The following TAFA1 variants were observed in gnomAD, a reference collection of about 807,000 sequenced individuals.
TAFA1 encodes TAFA chemokine like family member 1, also known as chemokine-like protein TAFA-1.
Under a neutral mutation model 18.5 loss-of-function variants are expected in TAFA1, and 4 were observed. That is an observed-to-expected ratio of 0.22 (90% confidence interval 0.11 to 0.49). The LOEUF is 0.49. TAFA1 is among the 20% of genes least tolerant of loss of function. TAFA1 has a pLI of 0.98. For synonymous variants in TAFA1, 56 were observed against 55.2 expected (o/e 1.01, Z -0.06); for missense variants, 147 against 169.0 (o/e 0.87, Z 0.72).
At chr3:68,113,987 C>G (rs2065296536) in intron 2 of TAFA1, among the ~76,000 whole-genome samples, 1 of 150,638 alleles carries the variant, frequency 6.6e-6, no homozygotes, top group Non-Finnish European at 1.5e-5. Flanking sequence ...TCACTGCAAC[C>G]TCCGCCTCCT....
chr3:68,382,577 T>C (rs549130471), intron 2 of TAFA1, among the ~76,000 whole-genome samples: 16 of 152,278 alleles, frequency 1.1e-4, no homozygotes, highest in African/African-American at 3.8e-4. Context: ...CATTTGTCTA[T>C]GTCTCTGTTT....
At chr3:68,235,822 C>T (rs889562476) in intron 2 of TAFA1, among the ~76,000 whole-genome samples, 6 of 152,204 alleles carry the variant, frequency 3.9e-5, no homozygotes, top group South Asian at 2.1e-4. Flanking sequence ...CCACTTCACA[C>T]ATGAAAATTT....
chr3:68,085,571 G>A (rs1446767048), intron 2 of TAFA1, among the ~76,000 whole-genome samples: 3 of 152,132 alleles, frequency 2.0e-5, no homozygotes, highest in African/African-American at 7.2e-5. Context: ...GCTCTTGATG[G>A]TTATCATCAC....
chr3:68,428,515 G>T (rs1338472245), intron 3 of TAFA1, among the ~76,000 whole-genome samples: 1 of 151,800 alleles, frequency 6.6e-6, no homozygotes, highest in Non-Finnish European at 1.5e-5. Flanking sequence ...TTCCTAGATG[G>T]GTGGAGTAGT....
chr3:68,180,658 A>G (rs1451908109), intron 2 of TAFA1, among the ~76,000 whole-genome samples: 1 of 151,978 alleles, frequency 6.6e-6, no homozygotes, highest in African/African-American at 2.4e-5. Flanking sequence ...ACAACCCCTT[A>G]TTTTTCTTGG....
intron 2 of TAFA1, among the ~76,000 whole-genome samples, chr3:68,117,077 G>A (rs1021745342): frequency 6.6e-6 from 1 of 152,144 alleles, no homozygotes; most frequent in Admixed American, 6.6e-5. Context: ...ATTTATTAGT[G>A]CCTCTCAGCA....
chr3:68,343,047 G>A (rs898933446), intron 2 of TAFA1, among the ~76,000 whole-genome samples: 4 of 152,090 alleles, frequency 2.6e-5, no homozygotes, highest in Non-Finnish European at 4.4e-5. Context: ...GGTGGGTGAG[G>A]ATCTATAGAT....
chr3:68,249,975 G>A (rs181503704), intron 2 of TAFA1, among the ~76,000 whole-genome samples: 1 of 152,238 alleles, frequency 6.6e-6, no homozygotes, highest in Admixed American at 6.5e-5. Flanking sequence ...AATGAAAAAT[G>A]GCTCTAGAAA....
intron 2 of TAFA1, among the ~76,000 whole-genome samples, chr3:68,088,407 A>G (rs1436848056): frequency 1.3e-5 from 2 of 152,174 alleles, no homozygotes; most frequent in Non-Finnish European, 2.9e-5. Context: ...GACATCACGT[A>G]TAAAGCACTG....
intron 2 of TAFA1, among the ~76,000 whole-genome samples, chr3:68,174,482 C>T (rs548406175): frequency 1.5e-4 from 23 of 152,116 alleles, no homozygotes; most frequent in South Asian, 6.3e-4. Flanking sequence ...AGGTGGTCTC[C>T]GGTGGAGATG....
chr3:68,261,746 T>C (rs2067426982), intron 2 of TAFA1, among the ~76,000 whole-genome samples: 3 of 151,928 alleles, frequency 2.0e-5, no homozygotes, highest in African/African-American at 7.3e-5. Flanking sequence ...AAGGGGAACA[T>C]CACACACCGG....
intron 2 of TAFA1, among the ~76,000 whole-genome samples, chr3:68,155,696 A>T (rs1045766977): frequency 6.6e-6 from 1 of 152,160 alleles, no homozygotes; most frequent in Non-Finnish European, 1.5e-5. Context: ...CATAAAGGGA[A>T]AATGGAAAGT....
chr3:68,297,569 C>G (rs1326877239), intron 2 of TAFA1, among the ~76,000 whole-genome samples: 1 of 152,152 alleles, frequency 6.6e-6, no homozygotes, highest in African/African-American at 2.4e-5. Context: ...TGTCTGGGAA[C>G]TATTGCATTC....
intron 3 of TAFA1, among the ~76,000 whole-genome samples, chr3:68,468,223 A>C (rs2106940252): frequency 6.6e-6 from 1 of 152,352 alleles, no homozygotes; most frequent in South Asian, 2.1e-4. Flanking sequence ...TCAAAATGAA[A>C]GTAACACAGT....
intron 3 of TAFA1, among the ~76,000 whole-genome samples, chr3:68,428,513 T>C (rs1018067563): frequency 1.3e-5 from 2 of 151,848 alleles, no homozygotes; most frequent in Non-Finnish European, 2.9e-5. Flanking sequence ...GGTTCCTAGA[T>C]GGGTGGAGTA....
chr3:68,525,452 A>T (rs2073096294), intron 3 of TAFA1, among the ~76,000 whole-genome samples: 1 of 152,146 alleles, frequency 6.6e-6, no homozygotes, highest in Non-Finnish European at 1.5e-5. Context: ...GTCTATAAAT[A>T]TTTTTTCTGA....
chr3:68,309,778 A>G (rs2068483733), intron 2 of TAFA1, among the ~76,000 whole-genome samples: 1 of 152,210 alleles, frequency 6.6e-6, no homozygotes, highest in Non-Finnish European at 1.5e-5. Flanking sequence ...GGGGCTCAAC[A>G]TGGTCCTCAA....
At chr3:68,487,556 G>C (rs2072367545) in intron 3 of TAFA1, among the ~76,000 whole-genome samples, 1 of 151,840 alleles carries the variant, frequency 6.6e-6, no homozygotes, top group Middle Eastern at 3.2e-3. Flanking sequence ...GACCATCCTG[G>C]CTAACACGGT....
At chr3:68,240,321 A>G (rs560254691) in intron 2 of TAFA1, among the ~76,000 whole-genome samples, 43 of 152,240 alleles carry the variant, frequency 2.8e-4, no homozygotes, top group African/African-American at 1.0e-3. Flanking sequence ...GCAGGTCAGA[A>G]CTCTTGTAAA....
Sources: allele counts gnomAD v4.1 joint callset (sites outside exome capture counted in the v4.1 genomes callset), GRCh38; gene constraint gnomAD v4.1.1; transcripts MANE v1.5; gene names NCBI Gene and HGNC (gene_info 2026-07-23, HGNC 2026-07-21).